The following TXNDC11 variants were observed in gnomAD, a reference collection of about 807,000 sequenced individuals.
TXNDC11 encodes the protein thioredoxin domain-containing protein 11.
TXNDC11 carries 68 observed loss-of-function variants against 78.0 expected under a neutral mutation model. The observed-to-expected ratio is 0.87, with a 90% CI of 0.72 to 1.07. The LOEUF (loss-of-function observed/expected upper bound fraction) is 1.07, where lower values mean the gene tolerates loss of function less well. Among genes scored for constraint, TXNDC11 ranks in the 50% least tolerant of loss-of-function variants. The pLI is 0.00. For missense variants in TXNDC11, 1,389 were observed against 1,221.8 expected (o/e 1.14, Z -2.04); for synonymous variants, 571 against 495.2 (o/e 1.15, Z -2.03).
At chr16:11,731,632 T>G (rs951906076) in intron 3 of TXNDC11, among the ~76,000 whole-genome samples, 1 of 151,782 alleles carries the variant, frequency 6.6e-6, no homozygotes, top group African/African-American at 2.4e-5. Context: ...AAGAGCCCAG[T>G]GAAGAATTTT....
chr16:11,695,282 C>T (rs745864439), intron 7 of TXNDC11, among the ~76,000 whole-genome samples: 2 of 151,968 alleles, frequency 1.3e-5, no homozygotes, highest in African/African-American at 2.4e-5. Context: ...GGGCTTGGTG[C>T]GGCCACCATA....
Position 11,702,783 on chromosome 16 carries a change from A to G in TXNDC11, c.794-2219T>C, listed in dbSNP as rs896060952. Among the ~76,000 whole-genome samples, 9 of 152,350 alleles carry G rather than the reference A, an allele frequency of 5.9e-5. 1 individual carries two copies. The East Asian group carries it at 7.7e-4, about 13-fold the overall frequency. ...AAAAATATTGAGGTGTTAAACCCAT[A>G]AAGTTTCCAGTTTTATCCCATGACC... On this transcript the variant is annotated intron_variant, in intron 5 of 11. Coordinates refer to ENST00000283033, the MANE Select transcript of TXNDC11 (RefSeq NM_015914.7).
chr16:11,686,015 G>A (rs2050559363), intron 10 of TXNDC11, among the ~76,000 whole-genome samples: 1 of 152,058 alleles, frequency 6.6e-6, no homozygotes, highest in African/African-American at 2.4e-5. Context: ...CTGGAATGCA[G>A]TGGTGCAATC....
intron 10 of TXNDC11, among the ~76,000 whole-genome samples, chr16:11,686,440 G>A (rs543355442): frequency 3.3e-5 from 5 of 152,110 alleles, no homozygotes; most frequent in Admixed American, 6.5e-5. Flanking sequence ...ATGCTTCTTC[G>A]GAATTCCTAT....
chr16:11,713,146 G>A (rs888598995), intron 5 of TXNDC11, among the ~76,000 whole-genome samples: 1 of 150,088 alleles, frequency 6.7e-6, no homozygotes, highest in Non-Finnish European at 1.5e-5. Context: ...AGGTTGCCAG[G>A]CGTGGTGGTG....
chr16:11,693,696 C>T (rs2050780963), intron 7 of TXNDC11, among the ~76,000 whole-genome samples: 1 of 152,206 alleles, frequency 6.6e-6, no homozygotes, highest in South Asian at 2.1e-4. Flanking sequence ...AAAGAAGTCA[C>T]TTTAGATGAT....
intron 7 of TXNDC11, among the ~76,000 whole-genome samples, chr16:11,697,780 T>C (rs1316169067): frequency 6.6e-6 from 1 of 152,100 alleles, no homozygotes; most frequent in African/African-American, 2.4e-5. Flanking sequence ...TTCCTGCCAC[T>C]CCCTGTTTCA....
At chr16:11,686,086 G>A (rs781555918) in intron 10 of TXNDC11, among the ~76,000 whole-genome samples, 2 of 152,106 alleles carry the variant, frequency 1.3e-5, no homozygotes, top group African/African-American at 2.4e-5. Flanking sequence ...AGCCTCCTGA[G>A]TAGTTGGGAC....
intron 6 of TXNDC11, 126 bp downstream of exon 6, chr16:11,700,324 CAT>C: frequency 2.1e-6 from 1 of 473,740 alleles, no homozygotes; most frequent in Non-Finnish European, 3.8e-6. Context: ...ACTCTCCATC[CAT>C]ATATAAAATC....
intron 1 of TXNDC11, among the ~76,000 whole-genome samples, chr16:11,738,661 GAA>G (rs58616825): frequency 1.7e-4 from 23 of 138,236 alleles, no homozygotes; most frequent in Non-Finnish European, 2.1e-4. Context: ...GGCACTACAG[GAA>G]AAAAAAAAAA....
chr16:11,701,517 G>A (rs556318528), intron 5 of TXNDC11, among the ~76,000 whole-genome samples: 34 of 152,136 alleles, frequency 2.2e-4, no homozygotes, highest in Middle Eastern at 3.4e-3. Context: ...CAGAAGTGCC[G>A]GGGTGTATAG....
In TXNDC11 at chr16:11,679,910, G is replaced by C. The variant is rs1258935212; in HGVS notation, c.2235-73C>G. The C allele has an allele frequency of 1.5e-6, 2 of 1,320,462 alleles. No individual in the cohort carries two copies. Among genetic ancestry groups the C allele is most frequent in the African/African-American group, 2.9e-5 (2 of 68,414 alleles). 81.8% of individuals were successfully genotyped at this position (1,320,462 alleles called of 1,614,324 possible). A position where few individuals can be genotyped will look rare whatever the true frequency, so the allele number is the denominator to read the frequency against. ...ATGAGTCCAAAAGCAGGCTGTACCT[G>C]AGGCCAGGCCATCTACTTCTCACCA... is the stretch of plus-strand genomic sequence containing the variant. On this transcript the variant is annotated intron_variant, in intron 11 of 11. Transcript: ENST00000283033. This position sits in a 1 kb window ranked among gnomAD's most constrained non-coding sequence, Gnocchi z 4.6.
intron 3 of TXNDC11, among the ~76,000 whole-genome samples, chr16:11,732,040 T>C (rs1375676828): frequency 2.0e-5 from 3 of 152,216 alleles, no homozygotes; most frequent in African/African-American, 4.8e-5. Flanking sequence ...GTTGTGATGT[T>C]ACAAGGGTTC....
chr16:11,735,691 T>A (rs1597499347), intron 2 of TXNDC11, among the ~76,000 whole-genome samples: 1 of 152,318 alleles, frequency 6.6e-6, no homozygotes, highest in Middle Eastern at 3.4e-3. Flanking sequence ...AATACCTAAC[T>A]AGCAAGTATC....
chr16:11,688,886 C>A (rs2050636684), intron 8 of TXNDC11, among the ~76,000 whole-genome samples: 1 of 152,058 alleles, frequency 6.6e-6, no homozygotes, highest in Non-Finnish European at 1.5e-5. Context: ...AATTTGAGGA[C>A]AAGGAGCTAC....
chr16:11,709,865 A>G (rs2051292613), intron 5 of TXNDC11, among the ~76,000 whole-genome samples: 1 of 152,244 alleles, frequency 6.6e-6, no homozygotes, highest in Admixed American at 6.5e-5. Context: ...TGACAGTAAA[A>G]TAAACACCCT....
rs2052018901 is a variant in TXNDC11, at chr16:11,730,678, T to C, written c.666A>G (p.Gln222=). The change falls in exon 4 of 12, where the codon CAA becomes CAG. Residue 222 remains glutamine, a synonymous_variant. Transcript: ENST00000283033. ...TTGAGAGAAAATCTAGTAATTCTGA[T>C]TGAGATGGGATGTAGAGAAGTGGTT... is the stretch of plus-strand genomic sequence containing the variant. The part of the protein sequence containing the change: ...VMKPLLYIPS[Q]SELLDFLSNY... 1 of 1,613,604 alleles carries C rather than the reference T, an allele frequency of 6.2e-7. No homozygotes were observed. Among genetic ancestry groups the C allele is most frequent in the African/African-American group, 1.3e-5 (1 of 74,896 alleles).
At chr16:11,709,084 T>C (rs1480941644) in intron 5 of TXNDC11, among the ~76,000 whole-genome samples, 1 of 152,182 alleles carries the variant, frequency 6.6e-6, no homozygotes, top group East Asian at 1.9e-4. Flanking sequence ...TAAACTATCA[T>C]TACTTGCATT....
In TXNDC11 at chr16:11,691,410, C is replaced by T. The variant is rs2050710085; in HGVS notation, c.1780G>A (p.Ala594Thr). 2 of 1,614,212 alleles carry T rather than the reference C, an allele frequency of 1.2e-6. No homozygotes were observed. Among genetic ancestry groups the T allele is most frequent in the Non-Finnish European group, 1.7e-6 (2 of 1,180,020 alleles). The change falls in exon 8 of 12, where the codon GCA becomes ACA. Residue 594 changes from alanine (A) to threonine (T), a missense_variant. Ala to Thr is a moderately conservative substitution (Grantham distance 58). Coordinates refer to ENST00000283033, the MANE Select transcript of TXNDC11 (RefSeq NM_015914.7). ...LLDSNLFWLY[A>T]ERLGAPSSTQ... ...GAGCTCGGAGCACCCAGTCTCTCTG[C>T]ATATAACCAAAACAAATTTGAATCC...
Sources: allele counts gnomAD v4.1 joint callset (sites outside exome capture counted in the v4.1 genomes callset), GRCh38; gene constraint gnomAD v4.1.1; non-coding constraint Gnocchi (gnomAD v3.1); transcripts MANE v1.5; gene names NCBI Gene and HGNC (gene_info 2026-07-23, HGNC 2026-07-21).